Variants in MCPH1 observed in about 807,000 individuals in gnomAD.
The protein encoded by MCPH1 is microcephalin.
MCPH1 carries 104 observed loss-of-function variants against 84.5 expected under a neutral mutation model. The observed-to-expected ratio is 1.23, with a 90% CI of 1.05 to 1.45. The LOEUF (loss-of-function observed/expected upper bound fraction) is 1.45, where lower values mean the gene tolerates loss of function less well. MCPH1 is among the 40% of genes most tolerant of loss of function. The pLI, the probability that MCPH1 is intolerant of heterozygous loss-of-function variation, is 0.00. For synonymous variants in MCPH1, 514 were observed against 366.8 expected (o/e 1.40, Z -4.58); for missense variants, 1,498 against 1,005.7 (o/e 1.49, Z -6.62).
In MCPH1 at chr8:6,423,355, C is replaced by T. The variant is rs570128452; in HGVS notation, c.234-8144C>T. Among the ~76,000 whole-genome samples, 404 of 151,080 alleles carry T rather than the reference C, an allele frequency of 2.7e-3. 1 individual carries two copies. Among genetic ancestry groups the T allele is most frequent in the Non-Finnish European group, 4.6e-3 (311 of 67,826 alleles). The stretch of plus-strand genomic sequence containing the variant: ...AATTTTTTTGTATTTTTAGTAGAGA[C>T]GGGGTTTCACCGTGTTAGCCAGGAT... On this transcript the variant is annotated intron_variant, in intron 3 of 13. Transcript: ENST00000344683.
chr8:6,417,553 A>G (rs1170546126), intron 3 of MCPH1, among the ~76,000 whole-genome samples: 2 of 151,744 alleles, frequency 1.3e-5, no homozygotes, highest in Admixed American at 1.3e-4. Flanking sequence ...TCTTTTTTCA[A>G]GTTCATTGAC....
At chr8:6,431,403 G>T (rs1191143623) in intron 3 of MCPH1, 96 bp from the exon 4 acceptor site, 10 of 889,900 alleles carry the variant, frequency 1.1e-5, no homozygotes, top group Non-Finnish European at 1.7e-5. Flanking sequence ...CCTAGCTATG[G>T]ATTTCTTAAA....
chr8:6,437,719 A>G (rs990555647), intron 5 of MCPH1, among the ~76,000 whole-genome samples: 5 of 152,190 alleles, frequency 3.3e-5, no homozygotes, highest in African/African-American at 9.7e-5. Flanking sequence ...TCAAAGCTCA[A>G]GCCAGAAACG....
At chr8:6,577,989 G>A (rs113920028) in intron 12 of MCPH1, among the ~76,000 whole-genome samples, 9 of 152,194 alleles carry the variant, frequency 5.9e-5, no homozygotes, top group Admixed American at 1.3e-4. Context: ...GTGAGACAGC[G>A]GGATGTCCTG....
At chr8:6,448,334 G>A (rs777199378) in intron 8 of MCPH1, among the ~76,000 whole-genome samples, 41 of 152,204 alleles carry the variant, frequency 2.7e-4, no homozygotes, top group Admixed American at 2.0e-3. Context: ...GGAGGAAAAT[G>A]CTTGCAGGAA....
rs1804967490 is a variant in MCPH1, at chr8:6,450,460, CATTTAGGG to C, written c.1826-4679_1826-4672del. On this transcript the variant is annotated intron_variant, in intron 8 of 13. Transcript: ENST00000344683. ...TTGACCCTGTGGTTTATTATAGGGT[CATTTAGGG>C]ATTAAGCCTTGGATACCACCTCCAG... Among the ~76,000 whole-genome samples, 4 of 150,242 alleles carry C rather than the reference CATTTAGGG, an allele frequency of 2.7e-5. No individual in the cohort carries two copies. The South Asian group carries it at 8.6e-4, about 32-fold the overall frequency.
intron 12 of MCPH1, among the ~76,000 whole-genome samples, chr8:6,579,447 G>T (rs773732048): frequency 6.6e-6 from 1 of 152,198 alleles, no homozygotes; most frequent in African/African-American, 2.4e-5. Context: ...TGTGTTGGCA[G>T]AGCTGGATTG....
rs150041509 is a variant in MCPH1 at position 6,546,699 on chromosome 8, T to G, written c.2214+46770T>G. ...AAATAGTGAATCACTAAGGGTCCCATGAGCTGAGAAAGTTTGAGAACAACT... is the reference window on the plus strand; with the variant it reads ...AAATAGTGAATCACTAAGGGTCCCAGGAGCTGAGAAAGTTTGAGAACAACT... On this transcript the variant is annotated intron_variant, in intron 12 of 13. Coordinates refer to ENST00000344683, the MANE Select transcript of MCPH1 (RefSeq NM_024596.5). 2.0e-4 allele frequency among the ~76,000 whole-genome samples: 31 copies of G among 152,302 alleles called. No homozygotes were observed. In the East Asian group the frequency reaches 5.6e-3, roughly 27 times the overall value.
intron 12 of MCPH1, among the ~76,000 whole-genome samples, chr8:6,584,440 C>G (rs115053036): frequency 0.013 from 1,938 of 152,260 alleles, 55 homozygotes; most frequent in African/African-American, 0.045. Context: ...GTGAAAAGAA[C>G]TCTTACTGGC....
chr8:6,433,764 T>G (rs570568992), intron 4 of MCPH1, among the ~76,000 whole-genome samples: 1 of 152,056 alleles, frequency 6.6e-6, no homozygotes, highest in Non-Finnish European at 1.5e-5. Context: ...AATTTTCATG[T>G]CTAAAAACCT....
At chr8:6,432,937 C>T (rs1247591730) in intron 4 of MCPH1, among the ~76,000 whole-genome samples, 1 of 152,208 alleles carries the variant, frequency 6.6e-6, no homozygotes, top group Non-Finnish European at 1.5e-5. Flanking sequence ...GATTGCCCTC[C>T]CTCAATGTAA....
intron 8 of MCPH1, chr8:6,446,785 C>G (rs1178235701): frequency 2.7e-5 from 27 of 984,482 alleles, no homozygotes; most frequent in Non-Finnish European, 3.3e-5. Context: ...TAGGAAAAAG[C>G]TGGTAGCAAA....
intron 13 of MCPH1, among the ~76,000 whole-genome samples, chr8:6,627,650 G>T (rs992111792): frequency 2.6e-5 from 4 of 152,178 alleles, no homozygotes; most frequent in Admixed American, 6.5e-5. Flanking sequence ...CAGCACTTTA[G>T]GAGGCCGAGG....
chr8:6,627,413 C>A, intron 13 of MCPH1: 1 of 401,174 alleles, frequency 2.5e-6, no homozygotes, highest in Non-Finnish European at 3.4e-6. Flanking sequence ...GTTTCCACAC[C>A]CAGGAGCTCA....
At chr8:6,550,451 A>G (rs909490550) in intron 12 of MCPH1, among the ~76,000 whole-genome samples, 2 of 152,182 alleles carry the variant, frequency 1.3e-5, no homozygotes, top group African/African-American at 4.8e-5. Context: ...ACCACTCAGC[A>G]TCCAGCGCGT....
intron 11 of MCPH1, among the ~76,000 whole-genome samples, chr8:6,495,461 A>C (rs1586105294): frequency 6.6e-6 from 1 of 152,324 alleles, no homozygotes; most frequent in East Asian, 1.9e-4. Context: ...CTTTAGAAAA[A>C]TCCAAAACAG....
chr8:6,445,703 C>T lies in MCPH1; in HGVS notation c.1825+156C>T. ...CATTTGATCATTCCAATGATAAACT[C>T]TTTAGGAATAGATGACTTGCTGTCT... is the stretch of plus-strand genomic sequence containing the variant. On this transcript the variant is annotated intron_variant, in intron 8 of 13. Coordinates refer to ENST00000344683, the MANE Select transcript of MCPH1 (RefSeq NM_024596.5). The T allele has an allele frequency of 2.1e-6, 3 of 1,422,222 alleles. 1 individual carries two copies. Among genetic ancestry groups the T allele is most frequent in the Non-Finnish European group, 2.7e-6 (3 of 1,094,236 alleles). 88.1% of individuals were successfully genotyped at this position (1,422,222 alleles called of 1,614,324 possible). A position where few individuals can be genotyped will look rare whatever the true frequency, so the allele number is the denominator to read the frequency against.
intron 8 of MCPH1, chr8:6,446,042 T>G (rs1804319827): frequency 6.1e-6 from 6 of 980,816 alleles, no homozygotes; most frequent in African/African-American, 1.7e-5. Context: ...TATTGATTTT[T>G]GAAGAAACTT....
chr8:6,621,187 T>C, intron 12 of MCPH1: 1 of 508,128 alleles, frequency 2.0e-6, no homozygotes, highest in South Asian at 2.1e-5. Context: ...TGTTTGAGGC[T>C]TTGGAATAAT....
Sources: allele counts gnomAD v4.1 joint callset (sites outside exome capture counted in the v4.1 genomes callset), GRCh38; gene constraint gnomAD v4.1.1; transcripts MANE v1.5; gene names NCBI Gene and HGNC (gene_info 2026-07-23, HGNC 2026-07-21).